Variants in NTRK3 observed in about 807,000 individuals in gnomAD.
NTRK3 encodes the protein neurotrophic receptor tyrosine kinase 3.
A neutral mutation model predicts 91.7 loss-of-function variants in NTRK3; 24 were observed. The observed-to-expected ratio is 0.26, with a 90% CI of 0.19 to 0.37. NTRK3 has a LOEUF of 0.37. Ranked by LOEUF, NTRK3 falls within the 10% of genes least tolerant of loss-of-function variation. The pLI, the probability that NTRK3 is intolerant of heterozygous loss-of-function variation, is 1.00. For synonymous variants in NTRK3, 483 were observed against 404.0 expected, an observed-to-expected ratio of 1.20 and a Z score of -2.34; for missense variants, 880 against 1,068.9, an observed-to-expected ratio of 0.82 and a Z score of 2.46.
intron 17 of NTRK3, among the ~76,000 whole-genome samples, chr15:87,881,545 G>A (rs946000448): frequency 6.6e-6 from 1 of 151,740 alleles, no homozygotes; most frequent in Non-Finnish European, 1.5e-5. Flanking sequence ...TCAGCCTCCC[G>A]AGTAGCTGGG....
At chr15:88,145,144 T>C (rs549058396) in intron 6 of NTRK3, among the ~76,000 whole-genome samples, 13 of 152,308 alleles carry the variant, frequency 8.5e-5, no homozygotes, top group Non-Finnish European at 1.9e-4. Context: ...GATGGCGCCA[T>C]GTGGACTAAT....
intron 17 of NTRK3, among the ~76,000 whole-genome samples, chr15:87,903,285 T>C (rs1482270948): frequency 6.6e-6 from 1 of 152,216 alleles, no homozygotes; most frequent in Admixed American, 6.5e-5. Context: ...CCAAAAGAAT[T>C]GCGGAAGCAA....
intron 5 of NTRK3, among the ~76,000 whole-genome samples, chr15:88,152,262 T>C (rs1389537317): frequency 6.6e-6 from 1 of 151,980 alleles, no homozygotes; most frequent in Non-Finnish European, 1.5e-5. Flanking sequence ...GATTGCGCCA[T>C]TGCACTCCAG....
intron 6 of NTRK3, 113 bp downstream of exon 6, chr15:88,147,222 C>G: frequency 1.0e-6 from 1 of 973,728 alleles, no homozygotes; most frequent in Non-Finnish European, 1.6e-6. Flanking sequence ...CCCAAGTAGG[C>G]TCTTCGAGTA....
chr15:87,891,857 G>A (rs1370905402), intron 17 of NTRK3, among the ~76,000 whole-genome samples: 2 of 152,100 alleles, frequency 1.3e-5, no homozygotes, highest in African/African-American at 4.8e-5. Flanking sequence ...CCCATGGGAT[G>A]AGGTCTAGAA....
intron 13 of NTRK3, among the ~76,000 whole-genome samples, chr15:88,057,709 G>C (rs2045849076): frequency 6.6e-6 from 1 of 152,200 alleles, no homozygotes; most frequent in Non-Finnish European, 1.5e-5. Flanking sequence ...CCTGGGGGCT[G>C]TGAGCTGCCG....
At chr15:87,865,344 T>C (rs1250947247) in exon 19 of NTRK3, 1 of 210,570 alleles carries the variant, frequency 4.7e-6, no homozygotes, top group Non-Finnish European at 9.7e-6. Context: ...CTGGGATTTT[T>C]TAGGGGCTGT....
At chr15:88,002,195 T>C (rs918657676) in intron 14 of NTRK3, among the ~76,000 whole-genome samples, 13 of 130,192 alleles carry the variant, frequency 1.0e-4, no homozygotes, top group South Asian at 2.7e-4. Context: ...TTTTTTTTTT[T>C]CCAAACTGAA....
intron 14 of NTRK3, among the ~76,000 whole-genome samples, chr15:87,969,629 C>T (rs889327390): frequency 2.6e-5 from 4 of 152,136 alleles, no homozygotes; most frequent in African/African-American, 7.2e-5. Context: ...TTAAATATCA[C>T]AAAACCAAGT....
At chr15:88,179,218 A>C (rs1447105796) in intron 5 of NTRK3, among the ~76,000 whole-genome samples, 1 of 152,220 alleles carries the variant, frequency 6.6e-6, no homozygotes, top group Non-Finnish European at 1.5e-5. Flanking sequence ...TGATACCAGC[A>C]GTTTTATGTG....
intron 16 of NTRK3, among the ~76,000 whole-genome samples, chr15:87,930,763 G>T (rs955463337): frequency 2.0e-5 from 3 of 152,164 alleles, no homozygotes; most frequent in African/African-American, 7.2e-5. Flanking sequence ...GACTGATAGA[G>T]CCTAGGAAGA....
intron 14 of NTRK3, among the ~76,000 whole-genome samples, chr15:87,954,022 G>T (rs1252549928): frequency 7.6e-6 from 1 of 131,650 alleles, no homozygotes; most frequent in Non-Finnish European, 1.6e-5. Flanking sequence ...GTGTGTGTGT[G>T]TGTGTGTGTG....
intron 17 of NTRK3, among the ~76,000 whole-genome samples, chr15:87,889,119 C>T (rs148579057): frequency 1.4e-4 from 21 of 152,280 alleles, no homozygotes; most frequent in African/African-American, 5.1e-4. Flanking sequence ...CCCCTATAAA[C>T]ACAGCTCTGC....
chr15:88,147,387 G>T (rs149623569), exon 6 of NTRK3: 2 of 1,613,752 alleles, frequency 1.2e-6, no homozygotes, highest in South Asian at 1.1e-5. Context: ...GTGGTGAGCC[G>T]GTTACTTGAC....
chr15:88,019,818 T>A (rs1248964517), intron 14 of NTRK3, among the ~76,000 whole-genome samples: 2 of 152,230 alleles, frequency 1.3e-5, no homozygotes, highest in Non-Finnish European at 2.9e-5. Context: ...CCTAGCTGTT[T>A]AGCTGAGTTA....
chr15:87,960,612 G>A (rs1224605294), intron 14 of NTRK3, among the ~76,000 whole-genome samples: 1 of 151,946 alleles, frequency 6.6e-6, no homozygotes, highest in Admixed American at 6.6e-5. Flanking sequence ...AGCCTCCCTA[G>A]TAGCTGAGAT....
intron 13 of NTRK3, among the ~76,000 whole-genome samples, chr15:88,053,793 G>T (rs374190353): frequency 1.3e-4 from 20 of 152,322 alleles, no homozygotes; most frequent in African/African-American, 4.8e-4. Flanking sequence ...TAATAGAGTT[G>T]TTAAGTTCAG....
intron 5 of NTRK3, among the ~76,000 whole-genome samples, chr15:88,166,713 G>A (rs940637984): frequency 3.3e-5 from 5 of 152,150 alleles, no homozygotes; most frequent in Admixed American, 3.3e-4. Flanking sequence ...CTTTATATCA[G>A]TTACAACAGA....
intron 5 of NTRK3, among the ~76,000 whole-genome samples, chr15:88,164,600 A>G (rs1215366602): frequency 2.0e-5 from 3 of 151,946 alleles, no homozygotes; most frequent in Non-Finnish European, 1.5e-5. Flanking sequence ...CCTTAGTTTC[A>G]TAAGTACTGG....
Sources: gnomAD v4.1 joint callset for allele counts (sites outside exome capture counted in the v4.1 genomes callset) on GRCh38, gnomAD v4.1.1 for gene constraint, MANE v1.5 for transcripts, NCBI Gene and HGNC (gene_info 2026-07-23, HGNC 2026-07-21) for gene names.